The following TAF15 variants were observed in gnomAD, a reference collection of about 807,000 sequenced individuals.
The protein encoded by TAF15 is TATA-binding protein-associated factor 2N.
A neutral mutation model predicts 102.5 loss-of-function variants in TAF15; 37 were observed. The observed-to-expected ratio is 0.36, with a 90% CI of 0.28 to 0.47. TAF15 has a LOEUF of 0.47. TAF15 is among the 20% of genes least tolerant of loss of function. TAF15 has a pLI of 0.99. For synonymous variants in TAF15, 273 were observed against 259.2 expected (o/e 1.05, Z -0.51); for missense variants, 652 against 760.7 (o/e 0.86, Z 1.68).
At chr17:35,835,114 T>C (rs1213144501) in intron 9 of TAF15, among the ~76,000 whole-genome samples, 2 of 152,086 alleles carry the variant, frequency 1.3e-5, no homozygotes, top group Non-Finnish European at 2.9e-5. Context: ...CTGGGGAAAA[T>C]TGCTGTTTGT....
intron 1 of TAF15, chr17:35,816,659 A>G (rs900645677): frequency 2.9e-5 from 4 of 137,814 alleles, no homozygotes; most frequent in Admixed American, 7.1e-5. Flanking sequence ...TATGCGTCAC[A>G]TACTTGGTCA....
chr17:35,835,142 C>T (rs533595805), intron 9 of TAF15, among the ~76,000 whole-genome samples: 1 of 152,134 alleles, frequency 6.6e-6, no homozygotes, highest in South Asian at 2.1e-4. Context: ...CATATTCTTT[C>T]TTCCGTGAAG....
chr17:35,841,418 T>A (rs2087542035), intron 11 of TAF15, among the ~76,000 whole-genome samples: 3 of 152,140 alleles, frequency 2.0e-5, no homozygotes, highest in Admixed American at 2.0e-4. Context: ...TGTAAAAATA[T>A]TAGATACAGG....
chr17:35,829,395 G>A (rs1399606060), intron 7 of TAF15, among the ~76,000 whole-genome samples: 6 of 151,152 alleles, frequency 4.0e-5, no homozygotes, highest in African/African-American at 1.5e-4. Flanking sequence ...CACTTTGGGA[G>A]GCCGAGACGG....
chr17:35,813,642 C>G (rs1265972781), intron 1 of TAF15, among the ~76,000 whole-genome samples: 2 of 146,984 alleles, frequency 1.4e-5, no homozygotes, highest in African/African-American at 2.5e-5. Flanking sequence ...TCCCCCCCCC[C>G]CCGCAAAAAA....
At chr17:35,836,326 C>T in intron 10 of TAF15, 85 bp downstream of exon 10, 1 of 960,496 alleles carries the variant, frequency 1.0e-6, no homozygotes, top group Non-Finnish European at 1.6e-6. Context: ...CTACATACTT[C>T]AGTACGCCTT....
chr17:35,844,328 C>G lies in TAF15; in HGVS notation c.1137C>G (p.Cys379Trp). The G allele has an allele frequency of 6.2e-7, 1 of 1,614,222 alleles. No individual in the cohort carries two copies. Among genetic ancestry groups the G allele is most frequent in the Non-Finnish European group, 8.5e-7 (1 of 1,180,046 alleles). ...NFARRNSCNQ[C>W]NEPRPEDSRP... ...CTCGAAGGAATTCCTGCAATCAGTG[C>G]AATGAGCCTAGACCAGAGGACTCTC... Residue 379 changes from cysteine to tryptophan, a missense_variant, in exon 14 of 16, where the codon TGC becomes TGG. By Grantham distance (215) the Cys-to-Trp change is radical. Transcript: ENST00000605844.
At position 35,809,503 on chromosome 17, in the gene TAF15, C is replaced by T; in HGVS notation, c.-67C>T. The T allele has an allele frequency of 6.2e-7, 1 of 1,609,134 alleles. No homozygotes were observed. Among genetic ancestry groups the T allele is most frequent in the Non-Finnish European group, 8.5e-7 (1 of 1,178,824 alleles). ...GCCCTCAGTACAGCTCCGGCCGCCG[C>T]GCCGCCTGGCTTTCGTATTCGTTGT... On this transcript the variant is annotated 5_prime_UTR_variant, in exon 1 of 16. Coordinates refer to ENST00000605844, the MANE Select transcript of TAF15 (RefSeq NM_139215.3).
intron 5 of TAF15, among the ~76,000 whole-genome samples, chr17:35,821,506 A>G (rs2087257147): frequency 6.6e-6 from 1 of 152,192 alleles, no homozygotes; most frequent in South Asian, 2.1e-4. Context: ...ACAGGGAGTT[A>G]GGGAACATAC....
At chr17:35,823,557 TAGCC>T (rs1404947203) in intron 6 of TAF15, 1 of 166,194 alleles carries the variant, frequency 6.0e-6, no homozygotes, top group African/African-American at 2.4e-5. Context: ...AAAAAAAAAT[TAGCC>T]AGGCATGGTG....
intron 7 of TAF15, among the ~76,000 whole-genome samples, chr17:35,832,174 A>G (rs1054484094): frequency 1.8e-4 from 28 of 152,302 alleles, no homozygotes; most frequent in African/African-American, 6.3e-4. Context: ...TCCCTTTCTT[A>G]AAGAGTTAGG....
At chr17:35,845,345 C>G (rs1015452817) in intron 15 of TAF15, among the ~76,000 whole-genome samples, 1 of 152,140 alleles carries the variant, frequency 6.6e-6, no homozygotes, top group South Asian at 2.1e-4. Flanking sequence ...ACCTCAAACT[C>G]TTAGACTCAG....
chr17:35,839,833 C>T (rs183199233), intron 11 of TAF15, among the ~76,000 whole-genome samples: 86 of 152,094 alleles, frequency 5.7e-4, no homozygotes, highest in African/African-American at 1.9e-3. Context: ...TTTTGTCTTA[C>T]GGTATTTTTC....
intron 1 of TAF15, chr17:35,810,199 A>AT: frequency 6.4e-6 from 1 of 155,056 alleles, no homozygotes; most frequent in South Asian, 1.9e-4. Flanking sequence ...CTTCCTCTTC[A>AT]CCCTCCTGCC....
intron 7 of TAF15, among the ~76,000 whole-genome samples, chr17:35,832,519 G>C (rs750042341): frequency 6.6e-6 from 1 of 152,006 alleles, no homozygotes; most frequent in Non-Finnish European, 1.5e-5. Context: ...CCATTTATAG[G>C]GTAGGGTAAT....
chr17:35,844,576 G>A lies in TAF15; in HGVS notation c.1277G>A (p.Gly426Asp), dbSNP rs757524355. Residue 426 changes from glycine (G) to aspartate (D), a missense_variant, in exon 15 of 16, where the codon GGC becomes GAC. Gly to Asp is a moderately conservative substitution (Grantham distance 94). Around this residue, in one of 3 missense-constraint regions of TAF15, gnomAD observed 368 missense variants for 367.5 expected, o/e 1.00. Coordinates refer to ENST00000605844, the MANE Select transcript of TAF15 (RefSeq NM_139215.3). ...TATGGTGGAGACAGAAGTGGGGGTG[G>A]CTATGGTGGAGACAGAAGCAGCGGT... ...GGYGGDRSGG[G>D]YGGDRSSGGG... 3 of 1,599,434 alleles carry A rather than the reference G, an allele frequency of 1.9e-6. No individual in the cohort carries two copies. The highest frequency in any genetic ancestry group is 2.3e-5 in the South Asian group (2 of 88,784).
chr17:35,816,106 G>A (rs1023075065), intron 1 of TAF15, among the ~76,000 whole-genome samples: 1 of 152,060 alleles, frequency 6.6e-6, no homozygotes, highest in South Asian at 2.1e-4. Context: ...GGATTACAGG[G>A]ATGAGCCACT....
chr17:35,842,738 TTG>T, intron 12 of TAF15, among the ~76,000 whole-genome samples: 1 of 152,260 alleles, frequency 6.6e-6, no homozygotes, highest in East Asian at 1.9e-4. Context: ...TTTTTGGTTT[TTG>T]TGTTTCTTTT....
intron 1 of TAF15, among the ~76,000 whole-genome samples, chr17:35,813,111 CTG>C (rs1483117008): frequency 1.8e-5 from 2 of 113,566 alleles, no homozygotes; most frequent in South Asian, 3.1e-4. Flanking sequence ...GAGCAAGACT[CTG>C]TCTCAAAAAA....
Sources: gnomAD v4.1 joint callset for allele counts (sites outside exome capture counted in the v4.1 genomes callset) on GRCh38, gnomAD v4.1.1 for gene constraint, gnomAD v4.1.1 regional missense constraint, MANE v1.5 for transcripts, NCBI Gene and HGNC (gene_info 2026-07-23, HGNC 2026-07-21) for gene names.